Variants in CLIP2 observed in about 807,000 individuals in gnomAD.
CLIP2 encodes CAP-Gly domain-containing linker protein 2.
Under a neutral mutation model 111.7 loss-of-function variants are expected in CLIP2, and 41 were observed. The ratio of observed to expected loss-of-function variants is 0.37; its 90% CI spans 0.29 to 0.48. The LOEUF is 0.48. CLIP2 is among the 20% of genes least tolerant of loss of function. The pLI, the probability that CLIP2 is intolerant of heterozygous loss-of-function variation, is 0.99. For synonymous variants in CLIP2, 660 were observed against 644.2 expected (o/e 1.02, Z -0.37); for missense variants, 1,160 against 1,422.1 (o/e 0.82, Z 2.96).
chr7:74,388,925 C>G (rs1554315294), intron 12 of CLIP2, 178 bp from the exon 13 acceptor site: 1 of 622,254 alleles, frequency 1.6e-6, no homozygotes, highest in African/African-American at 1.9e-5. Flanking sequence ...CACTGTACTC[C>G]AGTCTGGGTG....
chr7:74,312,657 T>C (rs879948970), intron 1 of CLIP2, among the ~76,000 whole-genome samples: 4 of 152,126 alleles, frequency 2.6e-5, no homozygotes, highest in Non-Finnish European at 2.9e-5. Context: ...GGGAGCAGCC[T>C]TGTACCCCAG....
rs539086839 is a variant in CLIP2, at chr7:74,355,657, G to A, written c.804-753G>A. Among the ~76,000 whole-genome samples the A allele has an allele frequency of 2.6e-5, 4 of 152,184 alleles. No homozygotes were observed. In the South Asian group the frequency reaches 8.3e-4, roughly 32 times the overall value. ...GGGCCCAGTTCTCGTGGTCCAGTGT[G>A]GAATCCGTGACCAGAGAGGTCTTGA... On this transcript the variant is annotated intron_variant, in intron 4 of 16. Coordinates refer to ENST00000223398, the MANE Select transcript of CLIP2 (RefSeq NM_003388.5).
chr7:74,314,692 C>G (rs918512269), intron 1 of CLIP2, among the ~76,000 whole-genome samples: 4 of 152,164 alleles, frequency 2.6e-5, no homozygotes, highest in Non-Finnish European at 4.4e-5. Context: ...GACGGTGCTC[C>G]CCAGGGCAGA....
chr7:74,290,654 T>C (rs2116428401), intron 1 of CLIP2, among the ~76,000 whole-genome samples: 1 of 152,300 alleles, frequency 6.6e-6, no homozygotes, highest in East Asian at 1.9e-4. Flanking sequence ...TGAGGGGGTC[T>C]GCCGTCACTC....
rs782810749 is a variant in CLIP2, at chr7:74,373,027, G to A, written c.1476G>A (p.Ala492=). 1.4e-5 allele frequency: 22 copies of A among 1,579,818 alleles called. No homozygotes were observed. In the Admixed American group the frequency reaches 1.6e-4, roughly 12 times the overall value. The part of the protein sequence containing the change: ...AQAERLLREL[A]DNRLTTVAEK... ...CCGAGCGGCTGCTCCGAGAATTAGC[G>A]GACAACAGGGTAACCGCGCCACCGC... The change falls in exon 9 of 17, where the codon GCG becomes GCA. Residue 492 remains alanine (A), a synonymous_variant. Transcript: ENST00000223398.
intron 13 of CLIP2, among the ~76,000 whole-genome samples, chr7:74,392,575 C>T (rs1230251599): frequency 6.6e-6 from 1 of 151,898 alleles, no homozygotes; most frequent in African/African-American, 2.4e-5. Context: ...GCCTGTAATC[C>T]CAGCACTTTG....
In CLIP2 at chr7:74,400,466, A is replaced by G; in HGVS notation, c.2977A>G (p.Thr993Ala). The change falls in exon 15 of 17, where the codon ACG becomes GCG. Residue 993 changes from threonine to alanine, a missense_variant. By Grantham distance (58) the Thr-to-Ala change is moderately conservative. Coordinates refer to ENST00000223398, the MANE Select transcript of CLIP2 (RefSeq NM_003388.5). Reference sequence around the variant, plus strand: ...GCGGCTGCAGCACCAGCTGATGAGCACGGAGGACGCCCTGCGGGATGCGCT... The same window carrying G: ...GCGGCTGCAGCACCAGCTGATGAGCGCGGAGGACGCCCTGCGGGATGCGCT... ...LLRLQHQLMS[T>A]EDALRDALDQ... 6.2e-7 allele frequency: 1 copy of G among 1,614,116 alleles called. No individual in the cohort carries two copies. Among genetic ancestry groups the G allele is most frequent in the East Asian group, 2.2e-5 (1 of 44,886 alleles).
chr7:74,396,088 TA>T (rs1438960532), intron 13 of CLIP2, among the ~76,000 whole-genome samples: 6 of 152,186 alleles, frequency 3.9e-5, no homozygotes, highest in African/African-American at 1.2e-4. Context: ...CGCTAGGGCA[TA>T]GGGGTGCATG....
Position 74,376,507 on chromosome 7 carries a change from C to T in CLIP2, c.2106C>T (p.His702=), listed in dbSNP as rs1554312901. Residue 702 remains histidine (H), a synonymous_variant, in exon 10 of 17, where the codon CAC becomes CAT. Transcript: ENST00000223398. This position sits in a 1 kb window ranked among gnomAD's most constrained non-coding sequence, Gnocchi z 7.1. ...AGGAGCTGGCTGGGCTGCAGCGGCA[C>T]TGGCGGGCCCAGCTGGAGGTGCAAG... ...AQEELAGLQR[H]WRAQLEVQAS... 11 of 1,605,020 alleles carry T rather than the reference C, an allele frequency of 6.9e-6. No homozygotes were observed. Among genetic ancestry groups the T allele is most frequent in the East Asian group, 6.7e-5 (3 of 44,504 alleles).
At chr7:74,350,586 C>T (rs1226762905) in intron 3 of CLIP2, among the ~76,000 whole-genome samples, 3 of 151,916 alleles carry the variant, frequency 2.0e-5, no homozygotes, top group East Asian at 1.9e-4. Context: ...AAGAGTGAGC[C>T]AGGCACAGTG....
chr7:74,398,184 C>T (rs1168889204), intron 14 of CLIP2, among the ~76,000 whole-genome samples: 1 of 151,726 alleles, frequency 6.6e-6, no homozygotes, highest in Non-Finnish European at 1.5e-5. Flanking sequence ...CATGGCGAAA[C>T]CCCATCTCTG....
intron 1 of CLIP2, among the ~76,000 whole-genome samples, chr7:74,303,172 C>T (rs1788385354): frequency 6.6e-6 from 1 of 152,238 alleles, no homozygotes; most frequent in Non-Finnish European, 1.5e-5. Flanking sequence ...CCAGCCCTGC[C>T]CTCTTCTTGC....
chr7:74,291,910 T>C (rs916022154), intron 1 of CLIP2, among the ~76,000 whole-genome samples: 2 of 150,058 alleles, frequency 1.3e-5, no homozygotes, highest in Non-Finnish European at 2.9e-5. Flanking sequence ...ACCCTGACAG[T>C]TGATCCTGCC....
intron 13 of CLIP2, among the ~76,000 whole-genome samples, chr7:74,389,671 GC>G (rs1197558835): frequency 6.6e-6 from 1 of 151,436 alleles, no homozygotes; most frequent in Non-Finnish European, 1.5e-5. Flanking sequence ...GGCCGAGGCA[GC>G]CGGATCACCT....
intron 15 of CLIP2, 55 bp downstream of exon 15, chr7:74,400,610 G>A (rs1231533180): frequency 9.6e-6 from 14 of 1,457,174 alleles, no homozygotes; most frequent in Admixed American, 7.6e-5. Flanking sequence ...CAGTGTCCTC[G>A]GAGCCCCCGT....
At chr7:74,295,241 T>C (rs1232042967) in intron 1 of CLIP2, among the ~76,000 whole-genome samples, 2 of 151,938 alleles carry the variant, frequency 1.3e-5, no homozygotes, top group Non-Finnish European at 2.9e-5. Context: ...GGATTATAGG[T>C]GTGAGCCACT....
intron 11 of CLIP2, among the ~76,000 whole-genome samples, chr7:74,384,584 TAA>T (rs1337940647): frequency 2.0e-5 from 3 of 151,404 alleles, no homozygotes; most frequent in Non-Finnish European, 4.4e-5. Context: ...TAGTTGGGAT[TAA>T]AGGTGTGCGC....
At chr7:74,349,811 C>A (rs1789929229) in intron 3 of CLIP2, among the ~76,000 whole-genome samples, 1 of 151,380 alleles carries the variant, frequency 6.6e-6, no homozygotes, top group South Asian at 2.1e-4. Context: ...AATAGGGTTG[C>A]ACCATGTTGG....
At chr7:74,304,275 C>T (rs1038117179) in intron 1 of CLIP2, among the ~76,000 whole-genome samples, 45 of 151,880 alleles carry the variant, frequency 3.0e-4, no homozygotes, top group Non-Finnish European at 6.6e-4. Context: ...GCCTGTAATC[C>T]CAGCACTTTG....
Sources: gnomAD v4.1 joint callset for allele counts (sites outside exome capture counted in the v4.1 genomes callset) on GRCh38, gnomAD v4.1.1 for gene constraint, Gnocchi (gnomAD v3.1) non-coding constraint, MANE v1.5 for transcripts, NCBI Gene and HGNC (gene_info 2026-07-23, HGNC 2026-07-21) for gene names.